The following CPNE4 variants were observed in gnomAD, a reference collection of about 807,000 sequenced individuals.
The protein encoded by CPNE4 is copine 4.
Under a neutral mutation model 67.9 loss-of-function variants are expected in CPNE4, and 25 were observed. The observed-to-expected ratio is 0.37, with a 90% CI of 0.27 to 0.51. The LOEUF is 0.51. Among genes scored for constraint, CPNE4 ranks in the 20% least tolerant of loss-of-function variants. The probability of loss-of-function intolerance (pLI) is 0.93; values close to 1 mark genes in which losing one functional copy is unlikely to be tolerated. For synonymous variants in CPNE4, 242 were observed against 244.9 expected, an observed-to-expected ratio of 0.99 and a Z score of 0.11; for missense variants, 464 against 690.8, an observed-to-expected ratio of 0.67 and a Z score of 3.68.
intron 2 of CPNE4, among the ~76,000 whole-genome samples, chr3:131,769,317 C>T (rs1052857756): frequency 1.3e-5 from 2 of 152,042 alleles, no homozygotes; most frequent in South Asian, 2.1e-4. Context: ...CTCAAGTGCC[C>T]GGTTCCCTTC....
chr3:131,884,907 G>T (rs1298139312), intron 2 of CPNE4, among the ~76,000 whole-genome samples: 1 of 152,062 alleles, frequency 6.6e-6, no homozygotes, highest in Admixed American at 6.5e-5. Flanking sequence ...TCTCTCTTTT[G>T]TAAATTGCCC....
chr3:131,831,908 T>C (rs548485057), intron 2 of CPNE4, among the ~76,000 whole-genome samples: 1 of 152,208 alleles, frequency 6.6e-6, no homozygotes, highest in African/African-American at 2.4e-5. Flanking sequence ...ATAGTGCCGA[T>C]TTTGCTGATA....
At chr3:131,713,844 C>T (rs902997560) in intron 3 of CPNE4, among the ~76,000 whole-genome samples, 1 of 152,066 alleles carries the variant, frequency 6.6e-6, no homozygotes, top group African/African-American at 2.4e-5. Flanking sequence ...GCCTTCTCAC[C>T]CACAACCACC....
Position 131,696,480 on chromosome 3 carries a change from C to G in CPNE4, c.507+62G>C, listed in dbSNP as rs1015156491. 4.1e-6 allele frequency: 6 copies of G among 1,471,350 alleles called. No homozygotes were observed. The African/African-American group carries it at 8.4e-5, about 21-fold the overall frequency. The allele number at this position is 1,471,350 out of a possible 1,614,324, so 91.1% of individuals were successfully genotyped here. The stretch of plus-strand genomic sequence containing the variant: ...GGGAAAAATAGTTGCAGGGGGAAAT[C>G]TGATTAAACTGTGTGCTAGCTTTGT... On this transcript the variant is annotated intron_variant, in intron 5 of 15. Coordinates refer to ENST00000429747, the MANE Select transcript of CPNE4 (RefSeq NM_130808.3).
chr3:131,685,223 T>C (rs2080861525), intron 6 of CPNE4, among the ~76,000 whole-genome samples: 1 of 152,090 alleles, frequency 6.6e-6, no homozygotes, highest in Non-Finnish European at 1.5e-5. Flanking sequence ...TTGTGAGAAA[T>C]AAAATTATGC....
intron 2 of CPNE4, among the ~76,000 whole-genome samples, chr3:131,863,374 T>C (rs901625867): frequency 2.6e-5 from 4 of 152,114 alleles, no homozygotes; most frequent in African/African-American, 9.7e-5. Flanking sequence ...GCACCTGTTG[T>C]TTCCTGACTT....
intron 1 of CPNE4, among the ~76,000 whole-genome samples, chr3:131,997,758 A>T (rs915316333): frequency 2.0e-5 from 3 of 152,160 alleles, no homozygotes; most frequent in African/African-American, 4.8e-5. Context: ...GAACATTTAA[A>T]AACTTAGATT....
intron 1 of CPNE4, among the ~76,000 whole-genome samples, chr3:131,991,487 C>T (rs2369354): frequency 0.63 from 84,183 of 134,236 alleles, 33,782 homozygotes; most frequent in South Asian, 0.83. Context: ...ATTTGCCTTG[C>T]CCTAGAGATC....
intron 2 of CPNE4, among the ~76,000 whole-genome samples, chr3:131,745,905 T>C (rs1272542748): frequency 6.6e-6 from 1 of 152,162 alleles, no homozygotes; most frequent in Non-Finnish European, 1.5e-5. Context: ...AACAACCTTG[T>C]CTATATCTAA....
chr3:131,988,805 C>T (rs1402357609), intron 1 of CPNE4, among the ~76,000 whole-genome samples: 1 of 152,180 alleles, frequency 6.6e-6, no homozygotes, highest in Non-Finnish European at 1.5e-5. Flanking sequence ...AAATGTTTGA[C>T]AATGATACCT....
intron 7 of CPNE4, among the ~76,000 whole-genome samples, chr3:131,647,901 C>T (rs1250508379): frequency 1.3e-5 from 2 of 152,160 alleles, no homozygotes. Flanking sequence ...GCATTTCAGG[C>T]CTCTTCATCT....
chr3:131,593,176 A>G lies in CPNE4; in HGVS notation c.682-5594T>C, dbSNP rs1409651037. Among the ~76,000 whole-genome samples the G allele has an allele frequency of 2.0e-4, 31 of 152,324 alleles. No homozygotes were observed. In the East Asian group the frequency reaches 5.8e-3, roughly 28 times the overall value. On this transcript the variant is annotated intron_variant, in intron 7 of 15. Coordinates refer to ENST00000429747, the MANE Select transcript of CPNE4 (RefSeq NM_130808.3). ...TTTGTGGTTCCATATGAATTTTAGGATTGCTTTTTCCATTTCTGTAAAAAA... is the reference window on the plus strand; with the variant it reads ...TTTGTGGTTCCATATGAATTTTAGGGTTGCTTTTTCCATTTCTGTAAAAAA...
chr3:131,792,917 G>A (rs998100479), intron 2 of CPNE4, among the ~76,000 whole-genome samples: 1 of 95,308 alleles, frequency 1.0e-5, no homozygotes, highest in East Asian at 3.3e-4. Context: ...GTGTGTGTGT[G>A]TGTGTGTGTA....
chr3:132,029,854 C>T (rs2074199863), intron 1 of CPNE4, among the ~76,000 whole-genome samples: 1 of 151,464 alleles, frequency 6.6e-6, no homozygotes, highest in African/African-American at 2.4e-5. Context: ...AAAGGATTCC[C>T]CTGTGTGTTC....
intron 1 of CPNE4, among the ~76,000 whole-genome samples, chr3:131,953,239 T>A (rs79728905): frequency 0.48 from 47,109 of 97,464 alleles, 9,522 homozygotes; most frequent in Middle Eastern, 0.56. Context: ...AATGATCAAT[T>A]AAAAAAAAAA....
intron 1 of CPNE4, among the ~76,000 whole-genome samples, chr3:131,973,663 C>A (rs887605353): frequency 6.6e-6 from 1 of 152,172 alleles, no homozygotes; most frequent in African/African-American, 2.4e-5. Context: ...ATGTTTTCAA[C>A]TCAGTATACT....
chr3:132,004,052 C>T (rs2073524977), intron 1 of CPNE4, among the ~76,000 whole-genome samples: 1 of 152,000 alleles, frequency 6.6e-6, no homozygotes, highest in Admixed American at 6.6e-5. Flanking sequence ...GCATCTCCCT[C>T]CTATCCTGCT....
intron 1 of CPNE4, among the ~76,000 whole-genome samples, chr3:131,953,965 A>G (rs548356206): frequency 2.6e-5 from 4 of 152,362 alleles, no homozygotes; most frequent in Non-Finnish European, 5.9e-5. Flanking sequence ...TGATTCAATC[A>G]TTATACATTG....
At chr3:131,653,753 C>T (rs980845358) in intron 7 of CPNE4, among the ~76,000 whole-genome samples, 1 of 152,300 alleles carries the variant, frequency 6.6e-6, no homozygotes, top group Non-Finnish European at 1.5e-5. Flanking sequence ...TTTGCACATG[C>T]GTTCAAGTTC....
Sources: allele counts gnomAD v4.1 joint callset (sites outside exome capture counted in the v4.1 genomes callset), GRCh38; gene constraint gnomAD v4.1.1; transcripts MANE v1.5; gene names NCBI Gene and HGNC (gene_info 2026-07-23, HGNC 2026-07-21).